The following MEIS1 variants were observed in gnomAD, a reference collection of about 807,000 sequenced individuals.
MEIS1 encodes the protein Meis homeobox 1, also known as homeobox protein Meis1.
In MEIS1, 5 loss-of-function variants were observed where a neutral mutation model predicts 50.8. The ratio of observed to expected loss-of-function variants is 0.10; its 90% CI spans 0.05 to 0.21. The LOEUF (loss-of-function observed/expected upper bound fraction) is 0.21. Among genes scored for constraint, MEIS1 ranks in the 10% least tolerant of loss-of-function variants. The pLI is 1.00. For missense variants in MEIS1, 318 were observed against 517.3 expected, an observed-to-expected ratio of 0.61 and a Z score of 3.74; for synonymous variants, 176 against 179.3, an observed-to-expected ratio of 0.98 and a Z score of 0.15.
At chr2:66,535,735 C>G (rs1015021772) in intron 8 of MEIS1, among the ~76,000 whole-genome samples, 2 of 152,050 alleles carry the variant, frequency 1.3e-5, no homozygotes, top group African/African-American at 4.8e-5. Flanking sequence ...TAAGAAGGTT[C>G]ATAAAGATAA....
At chr2:66,463,155 G>A (rs1299525999) in intron 6 of MEIS1, among the ~76,000 whole-genome samples, 1 of 151,682 alleles carries the variant, frequency 6.6e-6, no homozygotes, top group Non-Finnish European at 1.5e-5. Context: ...ATATAGTCAT[G>A]AAGCCTGACC....
At chr2:66,475,704 CAG>C (rs1672877551) in intron 7 of MEIS1, among the ~76,000 whole-genome samples, 1 of 152,200 alleles carries the variant, frequency 6.6e-6, no homozygotes. Flanking sequence ...TATCCTCACA[CAG>C]GGAGTCCAGG....
At chr2:66,505,309 G>A (rs932062366) in intron 7 of MEIS1, among the ~76,000 whole-genome samples, 1 of 152,124 alleles carries the variant, frequency 6.6e-6, no homozygotes, top group African/African-American at 2.4e-5. Flanking sequence ...TAGAGGCTGA[G>A]GCCTGAAGAT....
At chr2:66,512,095 G>A in intron 7 of MEIS1, 54 bp from the exon 8 acceptor site, 2 of 1,490,038 alleles carry the variant, frequency 1.3e-6, no homozygotes, top group South Asian at 1.5e-5. Context: ...CATTCTATTT[G>A]AATAAAGCAT....
At chr2:66,451,944 G>A (rs531446083) in intron 6 of MEIS1, among the ~76,000 whole-genome samples, 1 of 151,884 alleles carries the variant, frequency 6.6e-6, no homozygotes, top group South Asian at 2.1e-4. Context: ...AAAAAGCTCT[G>A]TGTTTCATAC....
intron 6 of MEIS1, among the ~76,000 whole-genome samples, chr2:66,451,056 A>C (rs1030287353): frequency 6.6e-6 from 1 of 152,102 alleles, no homozygotes; most frequent in Non-Finnish European, 1.5e-5. Flanking sequence ...AAAATGAAGA[A>C]TGTTACTCAC....
chr2:66,519,516 C>G (rs1317325553), intron 8 of MEIS1, among the ~76,000 whole-genome samples: 1 of 152,050 alleles, frequency 6.6e-6, no homozygotes, highest in Non-Finnish European at 1.5e-5. Flanking sequence ...TAAGGCATCT[C>G]TTTCTTGGTG....
intron 3 of MEIS1, chr2:66,440,351 A>AT: frequency 1.6e-6 from 1 of 614,576 alleles, no homozygotes. Flanking sequence ...TAGAAGTAAG[A>AT]TTGAGCTCTG....
intron 8 of MEIS1, among the ~76,000 whole-genome samples, chr2:66,527,594 G>T (rs1674284944): frequency 7.8e-5 from 1 of 12,774 alleles, no homozygotes; most frequent in African/African-American, 1.9e-4. Context: ...AAAAGCAAGT[G>T]TGTGTGTGTG....
intron 7 of MEIS1, among the ~76,000 whole-genome samples, chr2:66,478,054 C>A (rs950846745): frequency 1.3e-5 from 2 of 152,190 alleles, no homozygotes; most frequent in African/African-American, 2.4e-5. Flanking sequence ...TGAAAGCTGT[C>A]TTTCAAAGTA....
intron 7 of MEIS1, among the ~76,000 whole-genome samples, chr2:66,474,211 C>T (rs1672836055): frequency 6.6e-6 from 1 of 152,126 alleles, no homozygotes; most frequent in African/African-American, 2.4e-5. Context: ...CTCCGTACTC[C>T]TACCCTGGGA....
At chr2:66,508,120 G>A (rs1673728728) in intron 7 of MEIS1, among the ~76,000 whole-genome samples, 2 of 152,198 alleles carry the variant, frequency 1.3e-5, no homozygotes, top group South Asian at 2.1e-4. Context: ...TTGATAGCTC[G>A]GAAACTGAAA....
At chr2:66,500,718 C>T (rs1266943177) in intron 7 of MEIS1, among the ~76,000 whole-genome samples, 1 of 152,164 alleles carries the variant, frequency 6.6e-6, no homozygotes, top group East Asian at 1.9e-4. Context: ...AGCCACCGTG[C>T]CCGGCCAGCT....
At chr2:66,498,029 G>A (rs1327869533) in intron 7 of MEIS1, among the ~76,000 whole-genome samples, 4 of 152,032 alleles carry the variant, frequency 2.6e-5, no homozygotes, top group Admixed American at 6.6e-5. Flanking sequence ...AAAAAAAATG[G>A]TATGCCATGT....
At chr2:66,568,126 G>A (rs919631499) in intron 10 of MEIS1, 1 of 154,240 alleles carries the variant, frequency 6.5e-6, no homozygotes. Flanking sequence ...TTTAATAACA[G>A]TCTTTTTGTT....
intron 8 of MEIS1, among the ~76,000 whole-genome samples, chr2:66,519,886 A>G (rs1674069604): frequency 6.6e-6 from 1 of 152,134 alleles, no homozygotes; most frequent in Admixed American, 6.5e-5. Flanking sequence ...GGTGGTATAT[A>G]TTAATTTAAC....
At chr2:66,462,676 G>A (rs763430822) in intron 6 of MEIS1, among the ~76,000 whole-genome samples, 4 of 152,216 alleles carry the variant, frequency 2.6e-5, no homozygotes, top group South Asian at 2.1e-4. Context: ...TCCAGATTAC[G>A]TCTTACAGCA....
At position 66,486,260 on chromosome 2, in the gene MEIS1, G is replaced by T. The variant is rs538239926; in HGVS notation, c.742+22040G>T. Among the ~76,000 whole-genome samples, 15 of 152,290 alleles carry T rather than the reference G, an allele frequency of 9.8e-5. No homozygotes were observed. The South Asian group carries it at 2.9e-3, about 29-fold the overall frequency. On this transcript the variant is annotated intron_variant, in intron 7 of 12. Coordinates refer to ENST00000272369, the MANE Select transcript of MEIS1 (RefSeq NM_002398.3). Reference sequence around the variant, plus strand: ...TATGTTTAAATCTTTAATCCATCTGGAGTAAATTTTTGTATAAGGTGTAAG... The same window carrying T: ...TATGTTTAAATCTTTAATCCATCTGTAGTAAATTTTTGTATAAGGTGTAAG...
At position 66,440,766 on chromosome 2, in the gene MEIS1, T is replaced by G. The variant is rs139989298; in HGVS notation, c.432+154T>G. ...AATGTTTCTGTACACGGACAACTGG[T>G]CCGGGACAAGATCCCGGGGAAATAA... On this transcript the variant is annotated intron_variant, in intron 4 of 12. Coordinates refer to ENST00000272369, the MANE Select transcript of MEIS1 (RefSeq NM_002398.3). The G allele has an allele frequency of 4.5e-3, 2,655 of 591,552 alleles. 57 individuals are homozygous for G. Among genetic ancestry groups the G allele is most frequent in the African/African-American group, 0.041 (2,146 of 52,826 alleles). The allele number at this position is 591,552 out of a possible 1,614,324, so 36.6% of individuals were successfully genotyped here. A position where few individuals can be genotyped will look rare whatever the true frequency, so the allele number is the denominator to read the frequency against.
Sources: allele counts gnomAD v4.1 joint callset (sites outside exome capture counted in the v4.1 genomes callset), GRCh38; gene constraint gnomAD v4.1.1; transcripts MANE v1.5; gene names NCBI Gene and HGNC (gene_info 2026-07-23, HGNC 2026-07-21).